The following DCC variants were observed in gnomAD, a reference collection of about 807,000 sequenced individuals.
The protein encoded by DCC is DCC netrin 1 receptor.
DCC carries 58 observed loss-of-function variants against 172.5 expected under a neutral mutation model. The ratio of observed to expected loss-of-function variants is 0.34; its 90% CI spans 0.27 to 0.42. The LOEUF (loss-of-function observed/expected upper bound fraction) is 0.42. Among genes scored for constraint, DCC ranks in the 10% least tolerant of loss-of-function variants. The pLI is 1.00. For synonymous variants in DCC, 709 were observed against 644.5 expected, an observed-to-expected ratio of 1.10 and a Z score of -1.52; for missense variants, 1,740 against 1,791.0, an observed-to-expected ratio of 0.97 and a Z score of 0.51.
intron 21 of DCC, among the ~76,000 whole-genome samples, chr18:53,434,877 G>GA (rs1382940175): frequency 6.6e-6 from 1 of 152,112 alleles, no homozygotes; most frequent in Non-Finnish European, 1.5e-5. Context: ...ACTTTAATAA[G>GA]AATATTGGGA....
At chr18:52,387,004 G>A (rs1351236647) in intron 1 of DCC, among the ~76,000 whole-genome samples, 1 of 152,078 alleles carries the variant, frequency 6.6e-6, no homozygotes, top group Non-Finnish European at 1.5e-5. Flanking sequence ...AAATGAAGCA[G>A]AAAGGGCAGA....
At chr18:53,445,687 T>A (rs1057202178) in intron 22 of DCC, among the ~76,000 whole-genome samples, 1 of 152,192 alleles carries the variant, frequency 6.6e-6, no homozygotes, top group African/African-American at 2.4e-5. Context: ...ACCAATTTTT[T>A]AATATTTAAT....
chr18:52,996,459 C>A (rs1330192282), intron 5 of DCC, among the ~76,000 whole-genome samples: 1 of 151,898 alleles, frequency 6.6e-6, no homozygotes, highest in Non-Finnish European at 1.5e-5. Flanking sequence ...CACAGCCTAA[C>A]TTCACATTCA....
chr18:53,341,169 C>A (rs751006752), intron 15 of DCC, among the ~76,000 whole-genome samples: 2 of 152,192 alleles, frequency 1.3e-5, no homozygotes, highest in Non-Finnish European at 2.9e-5. Context: ...ATCCATTATT[C>A]AGCATCCACC....
intron 2 of DCC, among the ~76,000 whole-genome samples, chr18:52,815,411 T>TACACACACACACACACACACACAC (rs34924244): frequency 1.6e-4 from 24 of 150,004 alleles, no homozygotes; most frequent in African/African-American, 5.2e-4. Context: ...TTCTCACACG[T>TACACACACACACACACACACACAC]ACACACACAC....
chr18:52,560,642 T>A (rs1144080), intron 1 of DCC, among the ~76,000 whole-genome samples: 1 of 152,158 alleles, frequency 6.6e-6, no homozygotes, highest in African/African-American at 2.4e-5. Context: ...TTGTTGAGTA[T>A]GTATAGTTCC....
chr18:52,560,892 C>G (rs2033020475), intron 1 of DCC, among the ~76,000 whole-genome samples: 1 of 152,012 alleles, frequency 6.6e-6, no homozygotes, highest in Admixed American at 6.6e-5. Context: ...ATTCAAATGT[C>G]TTAACAGAAT....
At chr18:53,115,847 A>T (rs2043400946) in intron 7 of DCC, among the ~76,000 whole-genome samples, 1 of 151,752 alleles carries the variant, frequency 6.6e-6, no homozygotes, top group East Asian at 2.0e-4. Flanking sequence ...ATTTTCTTTA[A>T]GACGAATATT....
At chr18:52,648,655 T>C (rs1275205658) in intron 1 of DCC, among the ~76,000 whole-genome samples, 1 of 152,186 alleles carries the variant, frequency 6.6e-6, no homozygotes, top group Non-Finnish European at 1.5e-5. Context: ...CACTTGAGAC[T>C]AGATTGTGTG....
intron 13 of DCC, among the ~76,000 whole-genome samples, chr18:53,312,153 C>CAAAAAAAAAAA (rs895203731): frequency 1.9e-4 from 5 of 26,648 alleles, no homozygotes; most frequent in South Asian, 1.5e-3. Flanking sequence ...GCTAAAAATA[C>CAAAAAAAAAAA]AAAAAAAAAA....
chr18:52,619,169 C>T (rs1487428344), intron 1 of DCC, among the ~76,000 whole-genome samples: 1 of 152,158 alleles, frequency 6.6e-6, no homozygotes, highest in Non-Finnish European at 1.5e-5. Context: ...AACTCCTGAC[C>T]TCAAGTGATC....
intron 22 of DCC, among the ~76,000 whole-genome samples, chr18:53,440,921 T>C (rs955682382): frequency 6.6e-6 from 1 of 152,248 alleles, no homozygotes; most frequent in South Asian, 2.1e-4. Context: ...ACTGTTAAGC[T>C]AGAGCAGCAC....
At chr18:52,766,072 G>A (rs1448880718) in intron 2 of DCC, among the ~76,000 whole-genome samples, 2 of 152,182 alleles carry the variant, frequency 1.3e-5, no homozygotes, top group Non-Finnish European at 2.9e-5. Context: ...AAGTGAACAA[G>A]TCAGCAACTG....
intron 9 of DCC, among the ~76,000 whole-genome samples, chr18:53,182,881 G>A (rs1316923568): frequency 6.6e-6 from 1 of 152,046 alleles, no homozygotes; most frequent in Non-Finnish European, 1.5e-5. Context: ...AAGAGAAAAT[G>A]CGAGGGCTGG....
chr18:53,301,072 C>CTTCT lies in DCC; in HGVS notation c.1912-4489_1912-4486dup, dbSNP rs545417396. On this transcript the variant is annotated intron_variant, in intron 12 of 28. Coordinates refer to ENST00000442544, the MANE Select transcript of DCC (RefSeq NM_005215.4). Reference sequence around the variant, plus strand: ...CTTTCCTGTCCTTTCCTCTCCTTTCCTTCTTTCTTTCTTTCTTTCTCTCTT... The same window carrying CTTCT: ...CTTTCCTGTCCTTTCCTCTCCTTTCCTTCTTTCTTTCTTTCTTTCTTTCTCTCTT... Among the ~76,000 whole-genome samples, 206 of 132,066 alleles carry CTTCT rather than the reference C, an allele frequency of 1.6e-3. 2 individuals carry two copies. The East Asian group carries it at 0.039, about 25-fold the overall frequency. 86.6% of individuals were successfully genotyped at this position (132,066 alleles called of 152,430 possible). A position where few individuals can be genotyped will look rare whatever the true frequency, so the allele number is the denominator to read the frequency against.
At chr18:53,474,575 C>A (rs35195355) in intron 25 of DCC, among the ~76,000 whole-genome samples, 48,211 of 152,044 alleles carry the variant, frequency 0.32, 9,468 homozygotes, top group Non-Finnish European at 0.46. Flanking sequence ...ATGGGAGTCT[C>A]CCTGCACAAG....
At chr18:52,738,527 A>C (rs983242766) in intron 1 of DCC, among the ~76,000 whole-genome samples, 1 of 152,174 alleles carries the variant, frequency 6.6e-6, no homozygotes, top group African/African-American at 2.4e-5. Context: ...CTTACCATGA[A>C]TGGAGCTTGC....
At chr18:53,486,734 C>T (rs569485713) in intron 25 of DCC, 63 bp from the exon 26 acceptor site, 1 of 1,610,564 alleles carries the variant, frequency 6.2e-7, no homozygotes. Flanking sequence ...CCACCGTTTT[C>T]TTTTTTGCTT....
intron 1 of DCC, among the ~76,000 whole-genome samples, chr18:52,409,995 C>G (rs72918829): frequency 3.3e-5 from 5 of 152,118 alleles, no homozygotes; most frequent in African/African-American, 1.2e-4. Context: ...TCTAACTGAC[C>G]ACAGCAGCAT....
Sources: gnomAD v4.1 joint callset for allele counts (sites outside exome capture counted in the v4.1 genomes callset) on GRCh38, gnomAD v4.1.1 for gene constraint, MANE v1.5 for transcripts, NCBI Gene and HGNC (gene_info 2026-07-23, HGNC 2026-07-21) for gene names.